Variants in MYZAP observed in about 807,000 individuals in gnomAD.
MYZAP encodes the protein myocardial zonula adherens protein.
MYZAP carries 66 observed loss-of-function variants against 69.4 expected under a neutral mutation model. The observed-to-expected ratio is 0.95, with a 90% CI of 0.78 to 1.17. MYZAP has a LOEUF of 1.17. MYZAP is among the 50% of genes most tolerant of loss of function. The probability of loss-of-function intolerance (pLI) is 0.00; values close to 1 mark genes in which losing one functional copy is unlikely to be tolerated. For synonymous variants in MYZAP, 256 were observed against 205.9 expected (o/e 1.24, Z -2.09); for missense variants, 611 against 556.2 (o/e 1.10, Z -0.99).
intron 10 of MYZAP, among the ~76,000 whole-genome samples, chr15:57,658,025 G>T (rs1416386363): frequency 3.9e-5 from 6 of 152,040 alleles, no homozygotes; most frequent in African/African-American, 1.4e-4. Context: ...TTTCTTACGG[G>T]TGTTTCTGTT....
At position 57,593,188 on chromosome 15, in the gene MYZAP, G is replaced by GCATGCGCGCGCGCGCACACACA; in HGVS notation, c.75+1081_75+1082insTGCGCGCGCGCGCACACACACA. The stretch of plus-strand genomic sequence containing the variant: ...AGACACTTAGGTTGTGTACACAGGC[G>GCATGCGCGCGCGCGCACACACA]CACACACACACACACACACACACAC... On this transcript the variant is annotated intron_variant, in intron 1 of 12. Transcript: ENST00000267853. 1.6e-4 allele frequency among the ~76,000 whole-genome samples: 18 copies of GCATGCGCGCGCGCGCACACACA among 114,152 alleles called. 1 individual carries two copies. Among genetic ancestry groups the GCATGCGCGCGCGCGCACACACA allele is most frequent in the African/African-American group, 4.4e-4 (13 of 29,666 alleles). 74.9% of individuals were successfully genotyped at this position (114,152 alleles called of 152,430 possible). A position where few individuals can be genotyped will look rare whatever the true frequency, so the allele number is the denominator to read the frequency against.
intron 1 of MYZAP, among the ~76,000 whole-genome samples, chr15:57,600,097 A>T (rs1187730561): frequency 6.6e-6 from 1 of 152,224 alleles, no homozygotes; most frequent in Admixed American, 6.5e-5. Flanking sequence ...GGGTATATTT[A>T]AAAAATTAAA....
At chr15:57,629,411 G>A (rs1295509890) in intron 5 of MYZAP, among the ~76,000 whole-genome samples, 1 of 152,206 alleles carries the variant, frequency 6.6e-6, no homozygotes, top group Non-Finnish European at 1.5e-5. Context: ...TCCTTGGAAG[G>A]ACTCCATTTT....
In MYZAP at chr15:57,684,854, T is replaced by C. The variant is rs1595954911; in HGVS notation, c.*356T>C. 1 of 174,826 alleles carries C rather than the reference T, an allele frequency of 5.7e-6. No individual in the cohort carries two copies. Among genetic ancestry groups the C allele is most frequent in the Non-Finnish European group, 1.2e-5 (1 of 82,876 alleles). 10.8% of individuals were successfully genotyped at this position (174,826 alleles called of 1,614,324 possible). A position where few individuals can be genotyped will look rare whatever the true frequency, so the allele number is the denominator to read the frequency against. On this transcript the variant is annotated 3_prime_UTR_variant, in exon 13 of 13. Coordinates refer to ENST00000267853, the MANE Select transcript of MYZAP (RefSeq NM_001018100.5). ...AAGGACATTAATTTGAAGTTTCATG[T>C]TATTCATGCCAGGATTGTTTGATAG...
intron 2 of MYZAP, among the ~76,000 whole-genome samples, chr15:57,617,832 C>A (rs750886959): frequency 6.6e-6 from 1 of 152,140 alleles, no homozygotes; most frequent in Non-Finnish European, 1.5e-5. Context: ...GCTCTTCCTC[C>A]GGGGTAAAAG....
chr15:57,671,125 T>A (rs1334561804), intron 11 of MYZAP, among the ~76,000 whole-genome samples: 3 of 152,150 alleles, frequency 2.0e-5, no homozygotes, highest in Non-Finnish European at 4.4e-5. Flanking sequence ...GCAGGCCAGG[T>A]GGTAAAACAT....
At chr15:57,636,221 A>G (rs2036810474) in intron 8 of MYZAP, among the ~76,000 whole-genome samples, 2 of 152,060 alleles carry the variant, frequency 1.3e-5, no homozygotes, top group African/African-American at 4.8e-5. Context: ...AAAACTTCCA[A>G]CCACATAGGG....
intron 5 of MYZAP, 28 bp downstream of exon 5, chr15:57,625,920 G>A (rs1181708953): frequency 1.2e-6 from 2 of 1,601,440 alleles, no homozygotes; most frequent in Non-Finnish European, 1.7e-6. Flanking sequence ...GCTATGACAG[G>A]GCAACCCAGC....
At chr15:57,647,727 C>T (rs1595907446) in intron 10 of MYZAP, 12 of 985,426 alleles carry the variant, frequency 1.2e-5, no homozygotes, top group African/African-American at 8.7e-5. Context: ...GCCCTCCACA[C>T]CTCCTGCACT....
At chr15:57,638,320 C>A (rs566568455) in intron 9 of MYZAP, among the ~76,000 whole-genome samples, 5 of 152,212 alleles carry the variant, frequency 3.3e-5, no homozygotes, top group African/African-American at 1.2e-4. Context: ...GTGTTTTGGG[C>A]AAGTGACTTA....
At chr15:57,644,915 A>G (rs1022876542) in intron 10 of MYZAP, among the ~76,000 whole-genome samples, 8 of 152,224 alleles carry the variant, frequency 5.3e-5, no homozygotes, top group Non-Finnish European at 1.2e-4. Flanking sequence ...AAGGGACAGA[A>G]TCCAATCCAC....
intron 2 of MYZAP, among the ~76,000 whole-genome samples, chr15:57,617,594 G>A (rs1284145754): frequency 1.3e-5 from 2 of 152,098 alleles, no homozygotes; most frequent in East Asian, 1.9e-4. Context: ...TACCCTCAGA[G>A]GACAGTTTGG....
intron 1 of MYZAP, among the ~76,000 whole-genome samples, chr15:57,602,562 C>T (rs528260148): frequency 2.0e-5 from 3 of 152,312 alleles, no homozygotes; most frequent in South Asian, 2.1e-4. Context: ...GCCAGGAAGG[C>T]GGTCAGGACT....
intron 10 of MYZAP, chr15:57,647,973 T>C (rs2140495241): frequency 5.1e-6 from 5 of 985,362 alleles, no homozygotes; most frequent in African/African-American, 1.7e-5. Flanking sequence ...ATCCTTAGCC[T>C]TGGACTCCAA....
chr15:57,596,650 C>T (rs971321459), intron 1 of MYZAP, among the ~76,000 whole-genome samples: 1 of 152,220 alleles, frequency 6.6e-6, no homozygotes, highest in Non-Finnish European at 1.5e-5. Flanking sequence ...CTCCTCAGTA[C>T]TGCCAGGAAA....
At chr15:57,658,379 CTAT>C (rs2038109568) in intron 10 of MYZAP, among the ~76,000 whole-genome samples, 1 of 152,142 alleles carries the variant, frequency 6.6e-6, no homozygotes, top group Admixed American at 6.5e-5. Context: ...TAATTCCTTG[CTAT>C]TATTTAATAC....
At chr15:57,684,073 C>T (rs555706461) in intron 12 of MYZAP, among the ~76,000 whole-genome samples, 2 of 151,934 alleles carry the variant, frequency 1.3e-5, no homozygotes, top group African/African-American at 2.4e-5. Flanking sequence ...GGATTACAGG[C>T]GTGAGCCACC....
At position 57,592,164 on chromosome 15, in the gene MYZAP, C is replaced by A. The variant is rs1466025168; in HGVS notation, c.75+55C>A. On this transcript the variant is annotated intron_variant, in intron 1 of 12. Transcript: ENST00000267853. ...TCCCGTTCCCCCATCCCGGCCGCCC[C>A]CTCTAGAGGGGACTAGGGATGGGAA... 5 of 1,260,708 alleles carry A rather than the reference C, an allele frequency of 4.0e-6. No homozygotes were observed. The South Asian group carries it at 1.1e-4, about 27-fold the overall frequency. The allele number at this position is 1,260,708 out of a possible 1,614,324, so 78.1% of individuals were successfully genotyped here. A position where few individuals can be genotyped will look rare whatever the true frequency, so the allele number is the denominator to read the frequency against.
chr15:57,625,538 G>T (rs754002014), intron 4 of MYZAP, among the ~76,000 whole-genome samples: 1 of 152,214 alleles, frequency 6.6e-6, no homozygotes, highest in Non-Finnish European at 1.5e-5. Context: ...ACAACATTCT[G>T]ACTCCTGCAC....
Sources: gnomAD v4.1 joint callset for allele counts (sites outside exome capture counted in the v4.1 genomes callset) on GRCh38, gnomAD v4.1.1 for gene constraint, MANE v1.5 for transcripts, NCBI Gene and HGNC (gene_info 2026-07-23, HGNC 2026-07-21) for gene names.